Variants in NKAIN3 observed in about 807,000 individuals in gnomAD.
The protein encoded by NKAIN3 is sodium/potassium-transporting ATPase subunit beta-1-interacting protein 3.
NKAIN3 carries 25 observed loss-of-function variants against 30.2 expected under a neutral mutation model. That is an observed-to-expected ratio of 0.83 (90% CI 0.60 to 1.16). The LOEUF is 1.16. Among genes scored for constraint, NKAIN3 ranks in the 50% most tolerant of loss-of-function variants. NKAIN3 has a pLI of 0.00. For synonymous variants in NKAIN3, 91 were observed against 89.6 expected (o/e 1.02, Z -0.09); for missense variants, 225 against 254.1 (o/e 0.89, Z 0.78).
chr8:62,295,275 T>A (rs1233549639), intron 1 of NKAIN3, among the ~76,000 whole-genome samples: 1 of 152,192 alleles, frequency 6.6e-6, no homozygotes, highest in African/African-American at 2.4e-5. Context: ...TAGGAGGTTG[T>A]GGCAGTATAA....
At chr8:62,334,686 C>T (rs1354323057) in intron 1 of NKAIN3, among the ~76,000 whole-genome samples, 3 of 151,974 alleles carry the variant, frequency 2.0e-5, no homozygotes, top group Non-Finnish European at 2.9e-5. Flanking sequence ...AAACAACAGC[C>T]GTTTTGTTAT....
chr8:62,849,443 T>C (rs1408999535), intron 4 of NKAIN3, among the ~76,000 whole-genome samples: 2 of 151,960 alleles, frequency 1.3e-5, no homozygotes, highest in African/African-American at 2.4e-5. Flanking sequence ...CCTCTTTTTT[T>C]ATGGAAATTT....
intron 1 of NKAIN3, among the ~76,000 whole-genome samples, chr8:62,285,827 C>G (rs1384678): frequency 6.6e-5 from 10 of 152,016 alleles, no homozygotes; most frequent in Non-Finnish European, 1.2e-4. Context: ...AAGATTTTAC[C>G]TAATTTATCA....
chr8:62,633,858 A>G (rs1812041759), intron 3 of NKAIN3, among the ~76,000 whole-genome samples: 2 of 152,140 alleles, frequency 1.3e-5, no homozygotes, highest in Non-Finnish European at 2.9e-5. Context: ...GGTGCCTGTC[A>G]TTTCTGGTAA....
At chr8:62,537,851 G>A (rs1220994320) in intron 1 of NKAIN3, among the ~76,000 whole-genome samples, 1 of 152,108 alleles carries the variant, frequency 6.6e-6, no homozygotes, top group Admixed American at 6.6e-5. Flanking sequence ...GGTTGCTTTT[G>A]GAAGATACTG....
At chr8:62,336,718 CT>C (rs952261006) in intron 1 of NKAIN3, among the ~76,000 whole-genome samples, 23 of 151,956 alleles carry the variant, frequency 1.5e-4, no homozygotes, top group African/African-American at 5.6e-4. Context: ...TTTATTATAC[CT>C]TATGACTTTT....
At chr8:62,703,136 T>C (rs947895860) in intron 3 of NKAIN3, among the ~76,000 whole-genome samples, 2 of 152,164 alleles carry the variant, frequency 1.3e-5, no homozygotes, top group South Asian at 2.1e-4. Context: ...ATATCATTAC[T>C]AATAAATTTA....
At chr8:62,345,348 CATATACACAT>C (rs1383810231) in intron 1 of NKAIN3, among the ~76,000 whole-genome samples, 1 of 9,630 alleles carries the variant, frequency 1.0e-4, no homozygotes, top group East Asian at 3.5e-3. Flanking sequence ...TATATACACA[CATATACACAT>C]ATATGTATAT....
At chr8:62,853,302 G>A (rs1819967252) in intron 4 of NKAIN3, among the ~76,000 whole-genome samples, 1 of 152,050 alleles carries the variant, frequency 6.6e-6, no homozygotes, top group African/African-American at 2.4e-5. Flanking sequence ...TTTTCCATTT[G>A]CTTGGTAGAT....
chr8:62,632,193 T>G (rs758709906), intron 3 of NKAIN3, among the ~76,000 whole-genome samples: 13 of 152,254 alleles, frequency 8.5e-5, no homozygotes, highest in South Asian at 2.1e-4. Flanking sequence ...AGCAACCACT[T>G]ATATTGATTT....
intron 4 of NKAIN3, among the ~76,000 whole-genome samples, chr8:62,867,475 A>G (rs1788143589): frequency 6.6e-6 from 1 of 152,236 alleles, no homozygotes; most frequent in Admixed American, 6.5e-5. Flanking sequence ...AAAAAAAGAC[A>G]CACCAGAAAG....
intron 3 of NKAIN3, among the ~76,000 whole-genome samples, chr8:62,704,662 A>G (rs1814461726): frequency 6.6e-6 from 1 of 152,330 alleles, no homozygotes; most frequent in East Asian, 1.9e-4. Flanking sequence ...TATCCCAAAG[A>G]GAGCCTTCTA....
chr8:62,836,095 C>A (rs563040931), intron 4 of NKAIN3, among the ~76,000 whole-genome samples: 2 of 152,018 alleles, frequency 1.3e-5, no homozygotes, highest in African/African-American at 4.8e-5. Context: ...AATAGAAAAC[C>A]AAATATTGCA....
At chr8:62,496,772 G>A (rs563696725) in intron 1 of NKAIN3, among the ~76,000 whole-genome samples, 2 of 152,282 alleles carry the variant, frequency 1.3e-5, no homozygotes, top group East Asian at 1.9e-4. Flanking sequence ...AACATGATTA[G>A]CGTAGATTAG....
intron 3 of NKAIN3, among the ~76,000 whole-genome samples, chr8:62,699,941 T>C (rs1157286244): frequency 5.3e-5 from 8 of 152,218 alleles, no homozygotes; most frequent in Non-Finnish European, 5.9e-5. Context: ...GCCTGGGCAA[T>C]GTAGTAAGAC....
At chr8:62,345,650 C>CATAT (rs1446355487) in intron 1 of NKAIN3, among the ~76,000 whole-genome samples, 1 of 148,490 alleles carries the variant, frequency 6.7e-6, no homozygotes, top group African/African-American at 2.5e-5. Flanking sequence ...TATATATACA[C>CATAT]ATATATACAT....
Position 62,248,968 on chromosome 8 carries a change from A to G in NKAIN3, c.-106A>G, listed in dbSNP as rs1811985636. The G allele has an allele frequency of 4.7e-6, 5 of 1,063,344 alleles. No individual in the cohort carries two copies. Among genetic ancestry groups the G allele is most frequent in the Non-Finnish European group, 6.7e-6 (5 of 750,826 alleles). 65.9% of individuals were successfully genotyped at this position (1,063,344 alleles called of 1,614,324 possible). A position where few individuals can be genotyped will look rare whatever the true frequency, so the allele number is the denominator to read the frequency against. On this transcript the variant is annotated 5_prime_UTR_variant, in exon 1 of 7. Coordinates refer to ENST00000623646, the MANE Select transcript of NKAIN3 (RefSeq NM_001304533.3). ...GCCGCGAGCGGCGGCCGCGGGGCCGAGGAGCCTGGGCCGGGCCGGGCGGGG... is the reference window on the plus strand; with the variant it reads ...GCCGCGAGCGGCGGCCGCGGGGCCGGGGAGCCTGGGCCGGGCCGGGCGGGG...
chr8:62,331,293 T>C (rs920532031), intron 1 of NKAIN3, among the ~76,000 whole-genome samples: 30 of 151,972 alleles, frequency 2.0e-4, no homozygotes, highest in African/African-American at 7.2e-4. Context: ...GAGTTAGAAC[T>C]CATACATGTT....
chr8:62,264,457 G>A (rs986504182), intron 1 of NKAIN3, among the ~76,000 whole-genome samples: 1 of 152,116 alleles, frequency 6.6e-6, no homozygotes, highest in African/African-American at 2.4e-5. Flanking sequence ...ACAAGGTAAC[G>A]ATATTGTAAG....
Sources: gnomAD v4.1 joint callset for allele counts (sites outside exome capture counted in the v4.1 genomes callset) on GRCh38, gnomAD v4.1.1 for gene constraint, MANE v1.5 for transcripts, NCBI Gene and HGNC (gene_info 2026-07-23, HGNC 2026-07-21) for gene names.